ABHD16A: variants seen among roughly 807,000 people sequenced by gnomAD.
ABHD16A encodes phosphatidylserine lipase ABHD16A.
ABHD16A carries 47 observed loss-of-function variants against 89.8 expected under a neutral mutation model. That is an observed-to-expected ratio of 0.52 (90% CI 0.41 to 0.67). The LOEUF (loss-of-function observed/expected upper bound fraction) is 0.67. ABHD16A is among the 30% of genes least tolerant of loss of function. The pLI is 0.00. For synonymous variants in ABHD16A, 251 were observed against 280.4 expected, an observed-to-expected ratio of 0.90 and a Z score of 1.05; for missense variants, 580 against 734.6, an observed-to-expected ratio of 0.79 and a Z score of 2.43.
Position 31,687,674 on chromosome 6 carries a change from G to A in ABHD16A, c.1514C>T (p.Ala505Val), listed in dbSNP as rs577318022. ...WCLSVLRSYQAEHGPDFPWSV... is the reference protein window; with the variant it reads ...WCLSVLRSYQVEHGPDFPWSV... ...CCAGGGGAAGTCGGGCCCGTGTTCT[G>A]CCTGGTAGGAGCGGAGGACAGACAG... Residue 505 changes from alanine to valine, a missense_variant, in exon 18 of 20, where the codon GCA becomes GTA. Coordinates refer to ENST00000395952, the MANE Select transcript of ABHD16A (RefSeq NM_021160.3). The surrounding 1 kb of genome is among the most constrained non-coding windows in gnomAD (Gnocchi z 6.3). The A allele has an allele frequency of 1.4e-5, 23 of 1,612,860 alleles. No individual in the cohort carries two copies. Among genetic ancestry groups the A allele is most frequent in the Non-Finnish European group, 1.9e-5 (23 of 1,179,944 alleles).
Position 31,687,356 on chromosome 6 carries a change from A to T in ABHD16A, c.1594-61T>A, listed in dbSNP as rs1803394181. ...CACTGTTGGGAGGGGCAGCCACTGGACTCCCTCCCCACCCTCCACTTCCGC... is the reference window on the plus strand; with the variant it reads ...CACTGTTGGGAGGGGCAGCCACTGGTCTCCCTCCCCACCCTCCACTTCCGC... On this transcript the variant is annotated intron_variant, in intron 19 of 19. Coordinates refer to ENST00000395952, the MANE Select transcript of ABHD16A (RefSeq NM_021160.3). This position sits in a 1 kb window ranked among gnomAD's most constrained non-coding sequence, Gnocchi z 6.3. 6.3e-7 allele frequency: 1 copy of T among 1,587,652 alleles called. No individual in the cohort carries two copies. Among genetic ancestry groups the T allele is most frequent in the African/African-American group, 1.4e-5 (1 of 73,610 alleles).
rs1379603032 is a variant in ABHD16A, at chr6:31,690,507, G to A, written c.907+32C>T. 1.9e-6 allele frequency: 3 copies of A among 1,610,036 alleles called. No individual in the cohort carries two copies. Among genetic ancestry groups the A allele is most frequent in the Non-Finnish European group, 2.5e-6 (3 of 1,177,246 alleles). ...AGGCAGGGACATTCCCTTTCAAAGG[G>A]CGGAGATAAGGAGGCTGAGTCACCG... On this transcript the variant is annotated intron_variant, in intron 10 of 19. Transcript: ENST00000395952. This position sits in a 1 kb window ranked among gnomAD's most constrained non-coding sequence, Gnocchi z 4.1.
Position 31,690,633 on chromosome 6 carries a change from G to A in ABHD16A, c.844-31C>T. 6.2e-7 allele frequency: 1 copy of A among 1,608,740 alleles called. No individual in the cohort carries two copies. Among genetic ancestry groups the A allele is most frequent in the South Asian group, 1.1e-5 (1 of 91,010 alleles). On this transcript the variant is annotated intron_variant, in intron 9 of 19. Coordinates refer to ENST00000395952, the MANE Select transcript of ABHD16A (RefSeq NM_021160.3). The surrounding 1 kb of genome is among the most constrained non-coding windows in gnomAD (Gnocchi z 4.1). ...AAGGAGGCAGGAAGGAAGGGCTGGG[G>A]GGCCAAGTTGGGACTGAAAAACTCC...
chr6:31,702,187 C>T, intron 1 of ABHD16A, 57 bp from the exon 2 acceptor site: 1 of 1,551,480 alleles, frequency 6.4e-7, no homozygotes, highest in East Asian at 2.2e-5. Context: ...CCTTTCCCTT[C>T]CCTTTCAGAA....
At chr6:31,689,762 C>A in intron 11 of ABHD16A, 58 bp from the exon 12 acceptor site, 1 of 1,564,876 alleles carries the variant, frequency 6.4e-7, no homozygotes, top group Non-Finnish European at 8.7e-7. Context: ...GCTCACCTGT[C>A]CCTCCCAACG....
In ABHD16A at chr6:31,687,948, A is replaced by C. The variant is rs1803465453; in HGVS notation, c.1371-48T>G. 6.2e-7 allele frequency: 1 copy of C among 1,612,084 alleles called. No homozygotes were observed. The highest frequency in any genetic ancestry group is 1.7e-5 in the Admixed American group (1 of 59,972). ...GGTCAGGGCTGATTTTTTTTCATTC[A>C]CCATCCCTGAACCTTCCTCCCTCCT... On this transcript the variant is annotated intron_variant, in intron 16 of 19. Transcript: ENST00000395952. The surrounding 1 kb of genome is among the most constrained non-coding windows in gnomAD (Gnocchi z 6.3).
rs1803913165 is a variant in ABHD16A, at chr6:31,691,844, A to G, written c.701T>C (p.Met234Thr). ...GSVYLLQKALMPVLLQGQARL... is the reference protein window; with the variant it reads ...GSVYLLQKALTPVLLQGQARL... ...GGCCTGGCCCTGCAGCAGCACAGGC[A>G]TGAGGGCCTTCTGCAGCAGGTACAC... Residue 234 changes from methionine (M) to threonine (T), a missense_variant, in exon 8 of 20, where the codon ATG becomes ACG. Around this residue, in one of 2 missense-constraint regions of ABHD16A, gnomAD observed 415 missense variants for 568.8 expected, o/e 0.73. Coordinates refer to ENST00000395952, the MANE Select transcript of ABHD16A (RefSeq NM_021160.3). 3 of 1,611,778 alleles carry G rather than the reference A, an allele frequency of 1.9e-6. No individual in the cohort carries two copies. Among genetic ancestry groups the G allele is most frequent in the African/African-American group, 1.3e-5 (1 of 74,896 alleles).
chr6:31,700,849 G>T, intron 4 of ABHD16A, 93 bp downstream of exon 4: 1 of 985,250 alleles, frequency 1.0e-6, no homozygotes, highest in Non-Finnish European at 1.6e-6. Context: ...CCCTCTCGGA[G>T]GCCCATCACT....
chr6:31,692,186 G>A, intron 7 of ABHD16A: 1 of 408,232 alleles, frequency 2.4e-6, no homozygotes, highest in Non-Finnish European at 4.4e-6. Context: ...AGAGTTTTAT[G>A]ATGTAACTGT....
In ABHD16A at chr6:31,688,511, C is replaced by A. The variant is rs985398990; in HGVS notation, c.1251-206G>T. ...GCTGGGAGACCCCTGCCGTGCCAGG[C>A]CTTAACCCTTTGGTTGCCAGATCCT... On this transcript the variant is annotated intron_variant, in intron 14 of 19. Coordinates refer to ENST00000395952, the MANE Select transcript of ABHD16A (RefSeq NM_021160.3). The surrounding 1 kb of genome is among the most constrained non-coding windows in gnomAD (Gnocchi z 4.9). 2 of 784,362 alleles carry A rather than the reference C, an allele frequency of 2.5e-6. No homozygotes were observed. Among genetic ancestry groups the A allele is most frequent in the Non-Finnish European group, 4.0e-6 (2 of 494,470 alleles). 48.6% of individuals were successfully genotyped at this position (784,362 alleles called of 1,614,324 possible). A position where few individuals can be genotyped will look rare whatever the true frequency, so the allele number is the denominator to read the frequency against.
intron 1 of ABHD16A, 181 bp downstream of exon 1, chr6:31,702,969 G>A: frequency 7.5e-7 from 1 of 1,327,030 alleles, no homozygotes; most frequent in Non-Finnish European, 9.6e-7. Context: ...GAAAAAGAAA[G>A]GAGGCGGCCA....
intron 7 of ABHD16A, chr6:31,692,768 C>A (rs1804018627): frequency 3.8e-6 from 1 of 264,510 alleles, no homozygotes. Context: ...CCCCACTGCT[C>A]CTTTTCAGCC....
chr6:31,689,932 G>T, intron 11 of ABHD16A, 146 bp downstream of exon 11: 1 of 1,139,546 alleles, frequency 8.8e-7, no homozygotes, highest in Non-Finnish European at 1.2e-6. Context: ...GGCTCCCAAT[G>T]CTGCCTTCAC....
At position 31,687,083 on chromosome 6, in the gene ABHD16A, A is replaced by T; in HGVS notation, c.*129T>A. ...GAAACGTGCAAGAGGAACAGTGGTG[A>T]GAAGGGGGATGGTCCCCCACTTTCC... On this transcript the variant is annotated 3_prime_UTR_variant, in exon 20 of 20. Coordinates refer to ENST00000395952, the MANE Select transcript of ABHD16A (RefSeq NM_021160.3). The surrounding 1 kb of genome is among the most constrained non-coding windows in gnomAD (Gnocchi z 6.3). The T allele has an allele frequency of 2.3e-6, 2 of 866,056 alleles. No homozygotes were observed. Among genetic ancestry groups the T allele is most frequent in the Non-Finnish European group, 3.6e-6 (2 of 553,324 alleles). 53.6% of individuals were successfully genotyped at this position (866,056 alleles called of 1,614,324 possible). A position where few individuals can be genotyped will look rare whatever the true frequency, so the allele number is the denominator to read the frequency against.
Position 31,690,597 on chromosome 6 carries a change from G to A in ABHD16A, c.849C>T (p.Ile283=). The A allele has an allele frequency of 6.2e-7, 1 of 1,612,968 alleles. No homozygotes were observed. Among genetic ancestry groups the A allele is most frequent in the Non-Finnish European group, 8.5e-7 (1 of 1,179,986 alleles). ...TAEPQGQKLV[I]CCEGNAGFYE... is the part of the protein sequence containing the mutation. ...AAAACCCAGCATTCCCCTCACAGCAGATCACCTAGGAAGGAGGCAGGAAGG... is the reference window on the plus strand; with the variant it reads ...AAAACCCAGCATTCCCCTCACAGCAAATCACCTAGGAAGGAGGCAGGAAGG... Residue 283 remains isoleucine (I), a synonymous_variant, in exon 10 of 20, where the codon ATC becomes ATT. Coordinates refer to ENST00000395952, the MANE Select transcript of ABHD16A (RefSeq NM_021160.3). This position sits in a 1 kb window ranked among gnomAD's most constrained non-coding sequence, Gnocchi z 4.1.
intron 2 of ABHD16A, 50 bp from the exon 3 acceptor site, chr6:31,701,390 C>CACA: frequency 2.7e-5 from 33 of 1,231,422 alleles, no homozygotes; most frequent in Non-Finnish European, 3.2e-5. Context: ...CACACACACA[C>CACA]CTGCCATTCC....
In ABHD16A at chr6:31,688,996, G is replaced by A; in HGVS notation, c.1186+19C>T. 6.2e-7 allele frequency: 1 copy of A among 1,603,984 alleles called. No homozygotes were observed. Among genetic ancestry groups the A allele is most frequent in the Non-Finnish European group, 8.5e-7 (1 of 1,172,630 alleles). On this transcript the variant is annotated intron_variant, in intron 13 of 19. Coordinates refer to ENST00000395952, the MANE Select transcript of ABHD16A (RefSeq NM_021160.3). The surrounding 1 kb of genome is among the most constrained non-coding windows in gnomAD (Gnocchi z 4.9). ...GCCCACCCCTTCCCAGGAAGGGCAG[G>A]CCTGGGAGCTGCACTCACTCCAGCT...
chr6:31,702,147 C>T lies in ABHD16A; in HGVS notation c.133-17G>A, dbSNP rs1805077581. ...GTACGTATCCTGCCAAAACAGATGG[C>T]CTCCTTAAGGACCCTGCCCACTGGC... On this transcript the variant is annotated splice_polypyrimidine_tract_variant and intron_variant, in intron 1 of 19. Transcript: ENST00000395952. The T allele has an allele frequency of 6.2e-7, 1 of 1,612,926 alleles. No individual in the cohort carries two copies. The highest frequency in any genetic ancestry group is 8.5e-7 in the Non-Finnish European group (1 of 1,179,926).
chr6:31,702,725 A>G (rs1420940347), intron 1 of ABHD16A: 16 of 1,543,994 alleles, frequency 1.0e-5, no homozygotes, highest in Non-Finnish European at 1.1e-5. Flanking sequence ...CTGAAATTCA[A>G]GGCGAGGGTA....
Sources: gnomAD v4.1 joint callset for allele counts on GRCh38, gnomAD v4.1.1 for gene constraint, gnomAD v4.1.1 regional missense constraint, Gnocchi (gnomAD v3.1) non-coding constraint, MANE v1.5 for transcripts, NCBI Gene and HGNC (gene_info 2026-07-23, HGNC 2026-07-21) for gene names.